The following INTS4 variants were observed in gnomAD, a reference collection of about 807,000 sequenced individuals.
The protein encoded by INTS4 is integrator complex subunit 4.
INTS4 carries 70 observed loss-of-function variants against 119.5 expected under a neutral mutation model. The observed-to-expected ratio is 0.59, with a 90% CI of 0.48 to 0.71. The LOEUF is 0.71. Among genes scored for constraint, INTS4 ranks in the 30% least tolerant of loss-of-function variants. The pLI is 0.00. For synonymous variants in INTS4, 316 were observed against 419.6 expected (o/e 0.75, Z 3.02); for missense variants, 867 against 1,173.2 (o/e 0.74, Z 3.81).
chr11:77,981,092 T>C (rs1030758253), intron 3 of INTS4, among the ~76,000 whole-genome samples: 8 of 148,736 alleles, frequency 5.4e-5, no homozygotes, highest in African/African-American at 1.7e-4. Flanking sequence ...GGGTAATATA[T>C]AGCAAGGGTC....
rs531992666 is a variant in INTS4 at position 77,964,787 on chromosome 11, CTT to C, written c.472-3651_472-3650del. On this transcript the variant is annotated intron_variant, in intron 4 of 22. Coordinates refer to ENST00000534064, the MANE Select transcript of INTS4 (RefSeq NM_033547.4). Reference sequence around the variant, plus strand: ...GAGGGAGGGAGGGGAGGCAAGCTCTCTTTATGGTAATAACAAAGTCAGGCAAG... The same window carrying C: ...GAGGGAGGGAGGGGAGGCAAGCTCTCTATGGTAATAACAAAGTCAGGCAAG... Among the ~76,000 whole-genome samples the C allele has an allele frequency of 4.8e-4, 73 of 151,888 alleles. 3 individuals carry two copies. The South Asian group carries it at 0.015, about 31-fold the overall frequency.
intron 18 of INTS4, among the ~76,000 whole-genome samples, chr11:77,898,625 A>C (rs1952636781): frequency 1.3e-5 from 2 of 152,262 alleles, no homozygotes; most frequent in Non-Finnish European, 2.9e-5. Flanking sequence ...CAATATGTTC[A>C]TTAAAAATAT....
rs11512969 is a variant in INTS4, at chr11:77,890,908, C to T, written c.2592+411G>A. On this transcript the variant is annotated intron_variant, in intron 21 of 22. Transcript: ENST00000534064. ...AATATTTCCTAGTAATTGCTTTTTC[C>T]CAACCATAAATTTTATCTGCCAGCC... 5.4e-3 allele frequency among the ~76,000 whole-genome samples: 826 copies of T among 152,198 alleles called. 3 individuals carry two copies. Among genetic ancestry groups the T allele is most frequent in the Non-Finnish European group, 9.1e-3 (617 of 68,016 alleles).
intron 16 of INTS4, among the ~76,000 whole-genome samples, chr11:77,904,487 TTTCTC>T (rs1450603593): frequency 6.6e-6 from 1 of 152,204 alleles, no homozygotes; most frequent in Non-Finnish European, 1.5e-5. Context: ...TAGTTTACAT[TTTCTC>T]TTCATACTAA....
At chr11:77,914,561 C>A (rs569552293) in intron 15 of INTS4, among the ~76,000 whole-genome samples, 5 of 152,252 alleles carry the variant, frequency 3.3e-5, no homozygotes, top group African/African-American at 9.6e-5. Flanking sequence ...CTGTGGACTG[C>A]CCAGAGCTTA....
intron 16 of INTS4, among the ~76,000 whole-genome samples, chr11:77,906,209 C>T (rs1214292026): frequency 6.6e-6 from 1 of 152,122 alleles, no homozygotes; most frequent in Non-Finnish European, 1.5e-5. Context: ...CTTTTGGGTA[C>T]ATAACATTAC....
At chr11:77,887,373 C>A in intron 21 of INTS4, among the ~76,000 whole-genome samples, 1 of 152,092 alleles carries the variant, frequency 6.6e-6, no homozygotes. Context: ...AATTCAACAA[C>A]CTTCATGCTA....
chr11:77,966,878 G>A (rs1326299638), intron 4 of INTS4, among the ~76,000 whole-genome samples: 3 of 152,052 alleles, frequency 2.0e-5, no homozygotes, highest in Admixed American at 1.3e-4. Flanking sequence ...TAATATGGAC[G>A]TTTTAACATA....
chr11:77,979,129 T>C lies in INTS4; in HGVS notation c.365-27A>G, dbSNP rs760789198. The C allele has an allele frequency of 2.7e-6, 4 of 1,461,136 alleles. No individual in the cohort carries two copies. In the Admixed American group the frequency reaches 5.0e-5, roughly 18 times the overall value. The allele number at this position is 1,461,136 out of a possible 1,614,324, so 90.5% of individuals were successfully genotyped here. The stretch of plus-strand genomic sequence containing the variant: ...TAGAGAGGGAGATAGAAAGTTGGCT[T>C]GTAGAATTTCGAAAGGGGTAACTAT... On this transcript the variant is annotated intron_variant, in intron 3 of 22. Coordinates refer to ENST00000534064, the MANE Select transcript of INTS4 (RefSeq NM_033547.4).
intron 19 of INTS4, among the ~76,000 whole-genome samples, chr11:77,892,814 A>G (rs1340229150): frequency 1.3e-5 from 2 of 152,052 alleles, no homozygotes; most frequent in Non-Finnish European, 2.9e-5. Flanking sequence ...CGAACTCCTG[A>G]CCTCGTGATC....
At chr11:77,986,410 A>G (rs1477301457) in intron 2 of INTS4, among the ~76,000 whole-genome samples, 1 of 152,226 alleles carries the variant, frequency 6.6e-6, no homozygotes, top group Non-Finnish European at 1.5e-5. Flanking sequence ...TAGTTCAACC[A>G]TTGTGGAAGA....
chr11:77,975,315 G>C (rs934676868), intron 4 of INTS4, among the ~76,000 whole-genome samples: 4 of 151,144 alleles, frequency 2.6e-5, no homozygotes, highest in Non-Finnish European at 5.9e-5. Flanking sequence ...TTTCCCTTTT[G>C]ATTTCTTCGT....
chr11:77,989,262 T>C (rs746909837), intron 2 of INTS4, among the ~76,000 whole-genome samples: 2 of 152,044 alleles, frequency 1.3e-5, no homozygotes, highest in East Asian at 1.9e-4. Flanking sequence ...CCGAGGCAGG[T>C]GGATCACCCG....
At chr11:77,932,147 C>G (rs1449516617) in intron 10 of INTS4, among the ~76,000 whole-genome samples, 1 of 152,168 alleles carries the variant, frequency 6.6e-6, no homozygotes, top group African/African-American at 2.4e-5. Context: ...TCAGAGTGAA[C>G]AGGCAACCTA....
In INTS4 at chr11:77,987,790, C is replaced by T. The variant is rs930224292; in HGVS notation, c.246+3318G>A. 11 of 363,668 alleles carry T rather than the reference C, an allele frequency of 3.0e-5. 1 individual carries two copies. Among genetic ancestry groups the T allele is most frequent in the Middle Eastern group, 9.5e-4 (1 of 1,058 alleles). 22.5% of individuals were successfully genotyped at this position (363,668 alleles called of 1,614,324 possible). A position where few individuals can be genotyped will look rare whatever the true frequency, so the allele number is the denominator to read the frequency against. ...TCAGGAGGCTGAGGTGGGAGGATGGCTTGAGCCTGGGAGTCCAGACTTCAG... is the reference window on the plus strand; with the variant it reads ...TCAGGAGGCTGAGGTGGGAGGATGGTTTGAGCCTGGGAGTCCAGACTTCAG... On this transcript the variant is annotated intron_variant, in intron 2 of 22. Coordinates refer to ENST00000534064, the MANE Select transcript of INTS4 (RefSeq NM_033547.4).
chr11:77,894,781 C>T (rs538596531), intron 18 of INTS4, among the ~76,000 whole-genome samples: 1 of 152,290 alleles, frequency 6.6e-6, no homozygotes, highest in Admixed American at 6.5e-5. Flanking sequence ...GATGAAAGCT[C>T]CCAGATAGCT....
At chr11:77,941,749 G>A (rs1204153857) in intron 8 of INTS4, among the ~76,000 whole-genome samples, 1 of 152,028 alleles carries the variant, frequency 6.6e-6, no homozygotes, top group Non-Finnish European at 1.5e-5. Flanking sequence ...CAGGTGATCT[G>A]CCTACCTCGG....
chr11:77,880,042 C>T (rs1951732738), intron 22 of INTS4, among the ~76,000 whole-genome samples: 1 of 152,150 alleles, frequency 6.6e-6, no homozygotes, highest in Non-Finnish European at 1.5e-5. Context: ...TTCTATTAAC[C>T]ACAAGCTTCT....
At chr11:77,925,134 T>G (rs536893436) in intron 11 of INTS4, among the ~76,000 whole-genome samples, 1 of 152,254 alleles carries the variant, frequency 6.6e-6, no homozygotes, top group Admixed American at 6.5e-5. Flanking sequence ...AACTCAATCA[T>G]GATGCTGAAG....
Sources: allele counts gnomAD v4.1 joint callset (sites outside exome capture counted in the v4.1 genomes callset), GRCh38; gene constraint gnomAD v4.1.1; transcripts MANE v1.5; gene names NCBI Gene and HGNC (gene_info 2026-07-23, HGNC 2026-07-21).